The following GPC5 variants were observed in gnomAD, a reference collection of about 807,000 sequenced individuals.
GPC5 encodes glypican-5.
GPC5 carries 47 observed loss-of-function variants against 53.9 expected under a neutral mutation model. The ratio of observed to expected loss-of-function variants is 0.87; its 90% CI spans 0.69 to 1.11. The LOEUF is 1.11. Among genes scored for constraint, GPC5 ranks in the 50% most tolerant of loss-of-function variants. GPC5 has a pLI of 0.00. For missense variants in GPC5, 748 were observed against 713.1 expected (o/e 1.05, Z -0.56); for synonymous variants, 286 against 263.3 (o/e 1.09, Z -0.84).
intron 6 of GPC5, among the ~76,000 whole-genome samples, chr13:91,979,778 G>T (rs1161807232): frequency 6.6e-6 from 1 of 151,376 alleles, no homozygotes; most frequent in Non-Finnish European, 1.5e-5. Context: ...ATTCCTATGG[G>T]CACAAATGTA....
chr13:91,884,467 G>GC (rs1291292890), intron 5 of GPC5, among the ~76,000 whole-genome samples: 1 of 152,190 alleles, frequency 6.6e-6, no homozygotes, highest in Non-Finnish European at 1.5e-5. Flanking sequence ...GGAGCTGGAA[G>GC]CCATTATCCT....
At chr13:92,184,560 T>G (rs2042170997) in intron 7 of GPC5, among the ~76,000 whole-genome samples, 1 of 152,184 alleles carries the variant, frequency 6.6e-6, no homozygotes. Context: ...AATCATCTCT[T>G]CACTACCTAG....
At chr13:92,275,492 A>C (rs1165135273) in intron 7 of GPC5, among the ~76,000 whole-genome samples, 1 of 152,186 alleles carries the variant, frequency 6.6e-6, no homozygotes, top group Non-Finnish European at 1.5e-5. Flanking sequence ...AAACAAGATA[A>C]TATCCTTGCA....
At chr13:91,949,865 C>G (rs1353569012) in intron 6 of GPC5, among the ~76,000 whole-genome samples, 2 of 152,146 alleles carry the variant, frequency 1.3e-5, no homozygotes, top group African/African-American at 4.8e-5. Context: ...TGTATTTGCT[C>G]TACTACATTT....
At chr13:92,295,567 C>T (rs537006562) in intron 7 of GPC5, among the ~76,000 whole-genome samples, 30 of 152,200 alleles carry the variant, frequency 2.0e-4, no homozygotes, top group Non-Finnish European at 4.1e-4. Context: ...TGAAGTCCCC[C>T]ACTATTATTA....
intron 6 of GPC5, among the ~76,000 whole-genome samples, chr13:92,012,418 AT>A (rs1402165452): frequency 6.6e-6 from 1 of 152,256 alleles, no homozygotes. Flanking sequence ...TATCATCCTG[AT>A]TTTTTTAAAA....
At position 92,638,576 on chromosome 13, in the gene GPC5, G is replaced by GA. The variant is rs1885488431; in HGVS notation, c.1562-227705dup. On this transcript the variant is annotated intron_variant, in intron 7 of 7. Transcript: ENST00000377067. ...TTTTCTCTTATACTCCTCTTTCTCA[G>GA]ATTTTCTTAGTCTCTCTCTAAGCTC... Among the ~76,000 whole-genome samples, 3 of 152,032 alleles carry GA rather than the reference G, an allele frequency of 2.0e-5. No homozygotes were observed. The South Asian group carries it at 6.2e-4, about 32-fold the overall frequency.
chr13:92,332,725 T>C (rs1031888784), intron 7 of GPC5, among the ~76,000 whole-genome samples: 17 of 152,206 alleles, frequency 1.1e-4, no homozygotes, highest in South Asian at 4.1e-4. Flanking sequence ...AAGACTATTG[T>C]CCAATAAAAT....
chr13:92,610,135 TATTGA>T (rs765464983), intron 7 of GPC5, among the ~76,000 whole-genome samples: 1 of 152,066 alleles, frequency 6.6e-6, no homozygotes, highest in Non-Finnish European at 1.5e-5. Context: ...GAGAGATTTC[TATTGA>T]ACTTTGAACT....
chr13:92,549,665 TAAC>T (rs1029839526), intron 7 of GPC5, among the ~76,000 whole-genome samples: 5 of 151,952 alleles, frequency 3.3e-5, no homozygotes, highest in Non-Finnish European at 7.4e-5. Flanking sequence ...TCAAGAAAAA[TAAC>T]AACAAACTAG....
chr13:91,544,624 G>T (rs1474067996), intron 2 of GPC5, among the ~76,000 whole-genome samples: 2 of 152,076 alleles, frequency 1.3e-5, no homozygotes, highest in African/African-American at 4.8e-5. Flanking sequence ...TTCAGCTATT[G>T]TATCTAAAGA....
intron 1 of GPC5, among the ~76,000 whole-genome samples, chr13:91,428,581 C>A (rs938908434): frequency 6.6e-6 from 1 of 152,180 alleles, no homozygotes; most frequent in African/African-American, 2.4e-5. Context: ...AGGCTCCAGG[C>A]TGTCCTTGGC....
At chr13:92,024,611 A>G (rs1234158813) in intron 6 of GPC5, among the ~76,000 whole-genome samples, 2 of 152,174 alleles carry the variant, frequency 1.3e-5, no homozygotes, top group East Asian at 3.8e-4. Flanking sequence ...TTAGAGTGGT[A>G]TATTAAGATT....
rs775793508 is a variant in GPC5, at chr13:91,728,656, A to G, written c.1145A>G (p.Asn382Ser). 1 of 1,610,328 alleles carries G rather than the reference A, an allele frequency of 6.2e-7. No homozygotes were observed. The highest frequency in any genetic ancestry group is 8.5e-7 in the Non-Finnish European group (1 of 1,178,152). The change falls in exon 4 of 8, where the codon AAC becomes AGC. Residue 382 changes from asparagine (N) to serine (S), a missense_variant. Asn to Ser is a conservative substitution (Grantham distance 46, BLOSUM62 1). Transcript: ENST00000377067. ...AGGAACAGTGAAGAGACGCTTGCCA[A>G]CAGAAGAAAGTAAGACATTTGTTTT... The part of the protein sequence containing the change: ...TTRNSEETLA[N>S]RRKEFINSLR...
chr13:91,935,152 C>T (rs979573891), intron 6 of GPC5, among the ~76,000 whole-genome samples: 1 of 151,734 alleles, frequency 6.6e-6, no homozygotes, highest in Non-Finnish European at 1.5e-5. Flanking sequence ...AAAAGAAAGG[C>T]AAGATAGGTG....
intron 6 of GPC5, among the ~76,000 whole-genome samples, chr13:91,916,863 A>G (rs912274433): frequency 6.6e-6 from 1 of 152,110 alleles, no homozygotes; most frequent in Non-Finnish European, 1.5e-5. Flanking sequence ...CCTTGATTCA[A>G]TTACTTCCAC....
At chr13:92,473,052 G>A (rs957376328) in intron 7 of GPC5, among the ~76,000 whole-genome samples, 30 of 152,058 alleles carry the variant, frequency 2.0e-4, no homozygotes, top group African/African-American at 7.0e-4. Flanking sequence ...AACAGATATT[G>A]ATCATATTTC....
chr13:92,100,838 C>G (rs1429950296), intron 6 of GPC5, among the ~76,000 whole-genome samples: 3 of 152,224 alleles, frequency 2.0e-5, no homozygotes, highest in Non-Finnish European at 2.9e-5. Context: ...CATGGTCCAT[C>G]ATGCCACTCA....
At chr13:92,076,882 A>G (rs1185544169) in intron 6 of GPC5, among the ~76,000 whole-genome samples, 2 of 152,188 alleles carry the variant, frequency 1.3e-5, no homozygotes, top group East Asian at 3.9e-4. Flanking sequence ...GTAAAATTCT[A>G]GCACCTTTTA....
Sources: allele counts gnomAD v4.1 joint callset (sites outside exome capture counted in the v4.1 genomes callset), GRCh38; gene constraint gnomAD v4.1.1; transcripts MANE v1.5; gene names NCBI Gene and HGNC (gene_info 2026-07-23, HGNC 2026-07-21).